The following TENT2 variants were observed in gnomAD, a reference collection of about 807,000 sequenced individuals.
The protein encoded by TENT2 is terminal nucleotidyltransferase 2.
Under a neutral mutation model 72.2 loss-of-function variants are expected in TENT2, and 44 were observed. That is an observed-to-expected ratio of 0.61 (90% CI 0.48 to 0.78). The LOEUF (loss-of-function observed/expected upper bound fraction) is 0.78. Among genes scored for constraint, TENT2 ranks in the 30% least tolerant of loss-of-function variants. TENT2 has a pLI of 0.00. For missense variants in TENT2, 541 were observed against 569.6 expected, an observed-to-expected ratio of 0.95 and a Z score of 0.51; for synonymous variants, 212 against 192.5, an observed-to-expected ratio of 1.10 and a Z score of -0.84.
intron 11 of TENT2, among the ~76,000 whole-genome samples, chr5:79,661,859 C>G (rs936225298): frequency 1.2e-4 from 19 of 152,178 alleles, no homozygotes; most frequent in South Asian, 6.2e-4. Flanking sequence ...ATGATCTTTG[C>G]TAGCATTTTA....
At chr5:79,672,703 C>T (rs960507035) in intron 12 of TENT2, among the ~76,000 whole-genome samples, 1 of 152,150 alleles carries the variant, frequency 6.6e-6, no homozygotes, top group African/African-American at 2.4e-5. Flanking sequence ...TTTATCCATT[C>T]CTCTGTTGAT....
chr5:79,651,414 C>G (rs1793922917), intron 10 of TENT2, among the ~76,000 whole-genome samples: 1 of 151,398 alleles, frequency 6.6e-6, no homozygotes, highest in African/African-American at 2.4e-5. Flanking sequence ...AAGAACCAAA[C>G]TGGAGTTTTT....
At chr5:79,663,946 CAT>C (rs1330781434) in intron 11 of TENT2, among the ~76,000 whole-genome samples, 5 of 152,006 alleles carry the variant, frequency 3.3e-5, no homozygotes, top group African/African-American at 9.7e-5. Context: ...GTTATGCATC[CAT>C]AGATTCAACC....
rs73770601 is a variant in TENT2, at chr5:79,630,804, G to A, written c.465+7315G>A. On this transcript the variant is annotated intron_variant, in intron 4 of 14. Transcript: ENST00000453514. ...TTTGATCTTTAGCCTAATAACAGCA[G>A]TAACCTATTCAGGTTTTTTTTTTTT... Among the ~76,000 whole-genome samples, 1,269 of 145,796 alleles carry A rather than the reference G, an allele frequency of 8.7e-3. 17 individuals are homozygous for A. Among genetic ancestry groups the A allele is most frequent in the African/African-American group, 0.031 (1,155 of 37,572 alleles).
intron 4 of TENT2, among the ~76,000 whole-genome samples, chr5:79,629,739 A>G (rs1394768052): frequency 6.6e-6 from 1 of 151,676 alleles, no homozygotes; most frequent in Non-Finnish European, 1.5e-5. Context: ...AGGCAGGAGA[A>G]TGGCGTGAAC....
rs1825746974 is a variant in TENT2 at position 79,685,432 on chromosome 5, C to T, written c.*159C>T. 2 of 474,552 alleles carry T rather than the reference C, an allele frequency of 4.2e-6. No homozygotes were observed. Among genetic ancestry groups the T allele is most frequent in the East Asian group, 7.3e-5 (2 of 27,342 alleles). 29.4% of individuals were successfully genotyped at this position (474,552 alleles called of 1,614,324 possible). Reference sequence around the variant, plus strand: ...ATAAAGATTGCATATTTTATTATGACATTTCCTAATAAACCCCTTTGATTT... The same window carrying T: ...ATAAAGATTGCATATTTTATTATGATATTTCCTAATAAACCCCTTTGATTT... On this transcript the variant is annotated 3_prime_UTR_variant, in exon 15 of 15. Transcript: ENST00000453514.
intron 14 of TENT2, among the ~76,000 whole-genome samples, chr5:79,684,302 G>A (rs567998058): frequency 2.7e-4 from 41 of 151,876 alleles, no homozygotes; most frequent in Admixed American, 5.2e-4. Flanking sequence ...ATATTTTTTT[G>A]AGACAGGGTC....
chr5:79,653,397 G>C (rs1218306498), intron 10 of TENT2, among the ~76,000 whole-genome samples: 2 of 152,162 alleles, frequency 1.3e-5, no homozygotes, highest in Admixed American at 1.3e-4. Flanking sequence ...GGAGGCTAAG[G>C]TGGGAGGATT....
chr5:79,649,623 A>G (rs901682995), intron 10 of TENT2, among the ~76,000 whole-genome samples: 1 of 152,050 alleles, frequency 6.6e-6, no homozygotes, highest in African/African-American at 2.4e-5. Context: ...ACTAGATTTT[A>G]TCTTCATAGG....
At chr5:79,684,909 A>G (rs1172535818) in intron 14 of TENT2, among the ~76,000 whole-genome samples, 1 of 152,184 alleles carries the variant, frequency 6.6e-6, no homozygotes, top group Non-Finnish European at 1.5e-5. Flanking sequence ...AAATTTAAAA[A>G]TAGCTGAGCG....
intron 3 of TENT2, chr5:79,620,679 C>T (rs1444676714): frequency 1.3e-5 from 2 of 152,086 alleles, no homozygotes; most frequent in East Asian, 1.9e-4. Context: ...CTTAAAGACC[C>T]CACTTTAACT....
chr5:79,620,672 A>T (rs1230283257), intron 3 of TENT2: 1 of 152,200 alleles, frequency 6.6e-6, no homozygotes, highest in Non-Finnish European at 1.5e-5. Context: ...CGTTCATCTT[A>T]AAGACCCCAC....
intron 10 of TENT2, among the ~76,000 whole-genome samples, chr5:79,652,439 A>G (rs955495869): frequency 6.6e-6 from 1 of 152,084 alleles, no homozygotes; most frequent in Non-Finnish European, 1.5e-5. Flanking sequence ...CCAAAATTGT[A>G]TCAGGGTTAT....
chr5:79,669,193 A>G (rs1810936420), intron 12 of TENT2, among the ~76,000 whole-genome samples, 165 bp downstream of exon 12: 1 of 152,196 alleles, frequency 6.6e-6, no homozygotes, highest in African/African-American at 2.4e-5. Context: ...AGTTTATAAA[A>G]TTTCCTATGT....
At chr5:79,679,372 AT>A (rs1819952687) in intron 12 of TENT2, among the ~76,000 whole-genome samples, 1 of 152,272 alleles carries the variant, frequency 6.6e-6, no homozygotes, top group African/African-American at 2.4e-5. Flanking sequence ...TAAATAGTAA[AT>A]GTAAGAAACA....
At chr5:79,645,525 A>G (rs1788123885) in intron 8 of TENT2, among the ~76,000 whole-genome samples, 1 of 152,182 alleles carries the variant, frequency 6.6e-6, no homozygotes, top group Non-Finnish European at 1.5e-5. Flanking sequence ...GACATGTACT[A>G]ATATCAAGGG....
In TENT2 at chr5:79,649,093, G is replaced by A. The variant is rs1259233059; in HGVS notation, c.930G>A (p.Val310=). ...ATCGAGTTCGTCCGTTAGTGCTGGT[G>A]ATTAAGAAGTGGGCAAGTCACCATC... is the stretch of plus-strand genomic sequence containing the variant. ...LENRVRPLVL[V]IKKWASHHQI... The change falls in exon 10 of 15, where the codon GTG becomes GTA. Residue 310 remains valine (V), a synonymous_variant. Transcript: ENST00000453514. The A allele has an allele frequency of 6.2e-7, 1 of 1,613,430 alleles. No homozygotes were observed. The highest frequency in any genetic ancestry group is 8.5e-7 in the Non-Finnish European group (1 of 1,179,612).
rs759502272 is a variant in TENT2 at position 79,645,152 on chromosome 5, C to G, written c.781C>G (p.Arg261Gly). 1.1e-5 allele frequency: 17 copies of G among 1,607,020 alleles called. No individual in the cohort carries two copies. The highest frequency in any genetic ancestry group is 1.4e-5 in the Non-Finnish European group (17 of 1,176,874). ...CTACATTGAGAGACCTCAGCTGATT[C>G]GAGCAAAAGTGCCAATTGTGAAGTT... ...SGYIERPQLIRAKVPIVKFRD... is the reference protein window; with the variant it reads ...SGYIERPQLIGAKVPIVKFRD... The change falls in exon 8 of 15, where the codon CGA (arginine) becomes GGA (glycine). Residue 261 changes from arginine (R) to glycine (G), a missense_variant. Transcript: ENST00000453514.
intron 10 of TENT2, among the ~76,000 whole-genome samples, chr5:79,653,032 A>G (rs1795348916): frequency 6.6e-6 from 1 of 152,088 alleles, no homozygotes; most frequent in African/African-American, 2.4e-5. Flanking sequence ...TAAAAATGAG[A>G]TTTGACTAAA....
Sources: allele counts gnomAD v4.1 joint callset (sites outside exome capture counted in the v4.1 genomes callset), GRCh38; gene constraint gnomAD v4.1.1; transcripts MANE v1.5; gene names NCBI Gene and HGNC (gene_info 2026-07-23, HGNC 2026-07-21).